GARRE1: variants seen among roughly 807,000 people sequenced by gnomAD.
GARRE1 encodes granule associated Rac and RHOG effector 1, also known as granule associated Rac and RHOG effector protein 1.
A neutral mutation model predicts 103.2 loss-of-function variants in GARRE1; 49 were observed. The observed-to-expected ratio is 0.47, with a 90% CI of 0.38 to 0.60. GARRE1 has a LOEUF of 0.60. GARRE1 is among the 20% of genes least tolerant of loss of function. The pLI is 0.00. For missense variants in GARRE1, 1,199 were observed against 1,370.5 expected, an observed-to-expected ratio of 0.87 and a Z score of 1.98; for synonymous variants, 505 against 532.8, an observed-to-expected ratio of 0.95 and a Z score of 0.72.
intron 3 of GARRE1, among the ~76,000 whole-genome samples, chr19:34,321,367 T>G (rs995654404): frequency 6.6e-6 from 1 of 151,406 alleles, no homozygotes; most frequent in Non-Finnish European, 1.5e-5. Context: ...TGGACAAGAT[T>G]CTTAATTGGT....
rs1363740127 is a variant in GARRE1 at position 34,354,116 on chromosome 19, C to A, written c.*1161C>A. 1 of 152,400 alleles carries A rather than the reference C, an allele frequency of 6.6e-6. No individual in the cohort carries two copies. Among genetic ancestry groups the A allele is most frequent in the Non-Finnish European group, 1.5e-5 (1 of 68,028 alleles). 9.4% of individuals were successfully genotyped at this position (152,400 alleles called of 1,614,324 possible). Reference sequence around the variant, plus strand: ...ATATTAATTGAGGTTACAGAAAGTTCTTTATATAAAACTTATTTAAATTTT... The same window carrying A: ...ATATTAATTGAGGTTACAGAAAGTTATTTATATAAAACTTATTTAAATTTT... On this transcript the variant is annotated 3_prime_UTR_variant, in exon 14 of 14. Coordinates refer to ENST00000299505, the MANE Select transcript of GARRE1 (RefSeq NM_014686.5).
rs533302808 is a variant in GARRE1, at chr19:34,351,210, A to T, written c.2826-304A>T. Reference sequence around the variant, plus strand: ...AGACTCAGTCTCAAAAAAAAAAAAAAAAATAAAATAATAATAATAATAATA... The same window carrying T: ...AGACTCAGTCTCAAAAAAAAAAAAATAAATAAAATAATAATAATAATAATA... On this transcript the variant is annotated intron_variant, in intron 12 of 13. Transcript: ENST00000299505. Among the ~76,000 whole-genome samples the T allele has an allele frequency of 1.3e-3, 66 of 49,008 alleles. 1 individual carries two copies. The highest frequency in any genetic ancestry group is 7.3e-3 in the South Asian group (12 of 1,640). The allele number at this position is 49,008 out of a possible 152,430, so 32.2% of individuals were successfully genotyped here.
chr19:34,277,913 C>G (rs79520247), intron 1 of GARRE1, among the ~76,000 whole-genome samples: 7,932 of 96,540 alleles, frequency 0.082, 213 homozygotes, highest in Non-Finnish European at 0.12. Flanking sequence ...CCCCCCCCCC[C>G]ACCCCCAGCA....
At chr19:34,346,416 A>G (rs908405946) in intron 10 of GARRE1, among the ~76,000 whole-genome samples, 2 of 152,082 alleles carry the variant, frequency 1.3e-5, no homozygotes, top group Non-Finnish European at 2.9e-5. Flanking sequence ...AGATGTTCAG[A>G]TGGAATGAGC....
Position 34,258,562 on chromosome 19 carries a change from A to T in GARRE1, c.-796+3948A>T, listed in dbSNP as rs528798038. Among the ~76,000 whole-genome samples, 3 of 152,196 alleles carry T rather than the reference A, an allele frequency of 2.0e-5. No homozygotes were observed. The South Asian group carries it at 6.2e-4, about 32-fold the overall frequency. ...CACTTTGGGAGGCCGAGGTGAGCGGATCACGAGGTCAGGAGACCGAGACCA... is the reference window on the plus strand; with the variant it reads ...CACTTTGGGAGGCCGAGGTGAGCGGTTCACGAGGTCAGGAGACCGAGACCA... On this transcript the variant is annotated intron_variant, in intron 1 of 13. Coordinates refer to ENST00000299505, the MANE Select transcript of GARRE1 (RefSeq NM_014686.5).
chr19:34,282,752 T>G (rs1415221456), intron 1 of GARRE1, among the ~76,000 whole-genome samples: 2 of 152,188 alleles, frequency 1.3e-5, no homozygotes, highest in Non-Finnish European at 2.9e-5. Flanking sequence ...ATCAGGTTGA[T>G]TAACTGGTTT....
At position 34,348,997 on chromosome 19, in the gene GARRE1, T is replaced by TTC; in HGVS notation, c.2688-11_2688-10dup. 1 of 1,608,510 alleles carries TTC rather than the reference T, an allele frequency of 6.2e-7. No homozygotes were observed. The stretch of plus-strand genomic sequence containing the variant: ...GGGCTGCAGGAGGCCCTGGCCCAGC[T>TTC]TCTCTCTCTGGCTTTCAGGGATGGC... On this transcript the variant is annotated intron_variant, in intron 11 of 13. Transcript: ENST00000299505.
chr19:34,307,751 ATACATATATAGT>A, intron 2 of GARRE1, among the ~76,000 whole-genome samples: 1 of 140,334 alleles, frequency 7.1e-6, no homozygotes, highest in Non-Finnish European at 1.5e-5. Context: ...TATACTATAT[ATACATATATAGT>A]ATATATATAC....
chr19:34,352,607 T>C (rs1041531544), intron 13 of GARRE1, 40 bp from the exon 14 acceptor site: 15 of 1,543,548 alleles, frequency 9.7e-6, no homozygotes, highest in African/African-American at 1.4e-5. Flanking sequence ...TGATGATACA[T>C]TGCCCGAAAT....
intron 2 of GARRE1, among the ~76,000 whole-genome samples, chr19:34,302,884 A>G (rs1167778805): frequency 2.0e-5 from 3 of 151,880 alleles, no homozygotes; most frequent in Non-Finnish European, 4.4e-5. Context: ...AGCTGGGACT[A>G]CAGGCTCACG....
chr19:34,341,547 A>G lies in GARRE1; in HGVS notation c.1613A>G (p.Lys538Arg), dbSNP rs2074185525. The G allele has an allele frequency of 1.9e-6, 3 of 1,614,052 alleles. No individual in the cohort carries two copies. The highest frequency in any genetic ancestry group is 2.5e-6 in the Non-Finnish European group (3 of 1,180,038). ...GGTGGCCTGCAGAAGACATTCTCCA[A>G]ACTGACATCCCGGTTCACCAAGAAA... ...SSGGLQKTFS[K>R]LTSRFTKKAS... Residue 538 changes from lysine (K) to arginine (R), a missense_variant, in exon 10 of 14, where the codon AAA (lysine) becomes AGA (arginine). Coordinates refer to ENST00000299505, the MANE Select transcript of GARRE1 (RefSeq NM_014686.5).
intron 1 of GARRE1, among the ~76,000 whole-genome samples, chr19:34,264,255 G>A (rs995372881): frequency 6.6e-6 from 1 of 152,154 alleles, no homozygotes; most frequent in African/African-American, 2.4e-5. Context: ...TGTTAAATAT[G>A]GGTAATTTCT....
At chr19:34,255,934 C>T (rs1409128063) in intron 1 of GARRE1, among the ~76,000 whole-genome samples, 2 of 151,776 alleles carry the variant, frequency 1.3e-5, no homozygotes, top group South Asian at 2.1e-4. Context: ...CTTAGCCTCC[C>T]GGGTTCGAGC....
chr19:34,346,504 C>G (rs565392325), intron 10 of GARRE1, among the ~76,000 whole-genome samples: 2 of 152,256 alleles, frequency 1.3e-5, no homozygotes, highest in African/African-American at 4.8e-5. Context: ...CTCTATCTGG[C>G]TGACCCCAAT....
At position 34,300,388 on chromosome 19, in the gene GARRE1, CT is replaced by C. The variant is rs2073970729; in HGVS notation, c.-85del. The C allele has an allele frequency of 2.1e-6, 3 of 1,459,250 alleles. No homozygotes were observed. The African/African-American group carries it at 4.2e-5, about 21-fold the overall frequency. The allele number at this position is 1,459,250 out of a possible 1,614,324, so 90.4% of individuals were successfully genotyped here. A position where few individuals can be genotyped will look rare whatever the true frequency, so the allele number is the denominator to read the frequency against. ...TAAAACTTCGATTTGCAGAACTCCA[CT>C]ATTTTTATACCTAGCTACAGTTTTG... On this transcript the variant is annotated 5_prime_UTR_variant, in exon 2 of 14. An upstream open reading frame in the 5' UTR loses its in-frame stop. Coordinates refer to ENST00000299505, the MANE Select transcript of GARRE1 (RefSeq NM_014686.5).
intron 1 of GARRE1, among the ~76,000 whole-genome samples, chr19:34,266,372 T>G (rs988275542): frequency 4.6e-5 from 7 of 152,176 alleles, no homozygotes; most frequent in Non-Finnish European, 1.0e-4. Flanking sequence ...TTTCTGTTGT[T>G]TTTTTTGAGA....
intron 1 of GARRE1, among the ~76,000 whole-genome samples, chr19:34,295,499 A>G (rs2073942263): frequency 7.2e-6 from 1 of 138,458 alleles, no homozygotes; most frequent in Non-Finnish European, 1.6e-5. Flanking sequence ...TATTTTCATG[A>G]ATCTTGTATC....
chr19:34,331,935 G>A (rs914471260), intron 7 of GARRE1, among the ~76,000 whole-genome samples: 2 of 151,536 alleles, frequency 1.3e-5, no homozygotes, highest in Non-Finnish European at 2.9e-5. Flanking sequence ...AGGTTGCAGT[G>A]AGCCGAGATT....
At chr19:34,258,694 G>A (rs2073691839) in intron 1 of GARRE1, among the ~76,000 whole-genome samples, 1 of 152,106 alleles carries the variant, frequency 6.6e-6, no homozygotes, top group Non-Finnish European at 1.5e-5. Context: ...GGAGGCTGAG[G>A]TAGGAGAATG....
Sources: gnomAD v4.1 joint callset for allele counts (sites outside exome capture counted in the v4.1 genomes callset) on GRCh38, gnomAD v4.1.1 for gene constraint, MANE v1.5 for transcripts, NCBI Gene and HGNC (gene_info 2026-07-23, HGNC 2026-07-21) for gene names.